The following ADGRL2 variants were observed in gnomAD, a reference collection of about 807,000 sequenced individuals.
ADGRL2 encodes calcium-independent alpha-latrotoxin receptor 2.
A neutral mutation model predicts 157.4 loss-of-function variants in ADGRL2; 44 were observed. That is an observed-to-expected ratio of 0.28 (90% CI 0.22 to 0.36). The LOEUF (loss-of-function observed/expected upper bound fraction) is 0.36. Among genes scored for constraint, ADGRL2 ranks in the 10% least tolerant of loss-of-function variants. The probability of loss-of-function intolerance (pLI) is 1.00; values close to 1 mark genes in which losing one functional copy is unlikely to be tolerated. For missense variants in ADGRL2, 1,510 were observed against 1,768.9 expected, an observed-to-expected ratio of 0.85 and a Z score of 2.63; for synonymous variants, 585 against 624.7, an observed-to-expected ratio of 0.94 and a Z score of 0.95.
chr1:81,603,582 A>G (rs985847082), intron 3 of ADGRL2, among the ~76,000 whole-genome samples: 6 of 152,216 alleles, frequency 3.9e-5, no homozygotes, highest in Non-Finnish European at 7.3e-5. Context: ...ATTTTTTCTT[A>G]TATTTCACAG....
intron 2 of ADGRL2, among the ~76,000 whole-genome samples, chr1:81,861,545 G>A (rs1267092054): frequency 1.3e-5 from 2 of 152,140 alleles, no homozygotes; most frequent in East Asian, 1.9e-4. Context: ...TATTGATTAT[G>A]TCGGTATCAA....
chr1:81,566,959 G>A (rs2148478285), intron 2 of ADGRL2, among the ~76,000 whole-genome samples: 1 of 152,162 alleles, frequency 6.6e-6, no homozygotes, highest in Middle Eastern at 3.4e-3. Context: ...AATTTCATCT[G>A]AGCAGCTCAA....
At position 81,966,194 on chromosome 1, in the gene ADGRL2, A is replaced by T. The variant is rs375892307; in HGVS notation, c.2143+11A>T. The T allele has an allele frequency of 6.9e-5, 111 of 1,613,770 alleles. No homozygotes were observed. Among genetic ancestry groups the T allele is most frequent in the Admixed American group, 1.7e-4 (10 of 59,958 alleles). On this transcript the variant is annotated intron_variant, in intron 12 of 23. Transcript: ENST00000686636. ...AGAACAGCAGGAATGGTAAGGTGGA[A>T]GTCTTTTAAAAATTGACAGTTTTTG...
chr1:81,955,892 G>A lies in ADGRL2; in HGVS notation c.1849G>A (p.Val617Met). The A allele has an allele frequency of 6.3e-7, 1 of 1,589,388 alleles. No homozygotes were observed. The change falls in exon 11 of 24, where the codon GTG becomes ATG. Residue 617 changes from valine to methionine, a missense_variant. Physicochemically the swap from Val to Met is conservative, Grantham distance 21. Around this residue, in one of 4 missense-constraint regions of ADGRL2, gnomAD observed 325 missense variants for 333.2 expected, o/e 0.98. Transcript: ENST00000686636. The part of the protein sequence containing the change: ...RAYLKAIVDT[V>M]DNLLRPEALE... ...ATGGATACAGGCAATTGTTGACACA[G>A]TGGACAACCTTCTGAGACCCGAAGC...
chr1:81,852,522 T>G (rs923756479), intron 2 of ADGRL2, among the ~76,000 whole-genome samples: 1 of 152,298 alleles, frequency 6.6e-6, no homozygotes, highest in Non-Finnish European at 1.5e-5. Context: ...TTCTCCCCGA[T>G]ACAACATTGA....
At chr1:81,705,025 A>C (rs935557077) in intron 1 of ADGRL2, among the ~76,000 whole-genome samples, 2 of 152,154 alleles carry the variant, frequency 1.3e-5, no homozygotes, top group African/African-American at 4.8e-5. Flanking sequence ...CATGAACAAA[A>C]CAGTGTTGTT....
intron 2 of ADGRL2, among the ~76,000 whole-genome samples, chr1:81,507,088 A>AT (rs1022192569): frequency 0.01 from 1,544 of 149,138 alleles, 37 homozygotes; most frequent in African/African-American, 0.036. Context: ...CAATGGAGGA[A>AT]TTTTTTTTTT....
chr1:81,532,518 T>C (rs957586886), intron 2 of ADGRL2, among the ~76,000 whole-genome samples: 4 of 151,712 alleles, frequency 2.6e-5, no homozygotes, highest in Non-Finnish European at 4.4e-5. Flanking sequence ...TTCACCAGGT[T>C]ATTCCAAGCA....
rs1378998971 is a variant in ADGRL2 at position 81,747,844 on chromosome 1, T to C, written c.-142-13967T>C. On this transcript the variant is annotated intron_variant, in intron 1 of 20. Coordinates refer to the ADGRL2 transcript ENST00000359929. ...ATTTTTTCATTTAATTCTGGGAATCTTATTTATAAATGCTGACTTTAGACA... is the reference window on the plus strand; with the variant it reads ...ATTTTTTCATTTAATTCTGGGAATCCTATTTATAAATGCTGACTTTAGACA... 3.3e-5 allele frequency among the ~76,000 whole-genome samples: 5 copies of C among 151,976 alleles called. No individual in the cohort carries two copies. In the East Asian group the frequency reaches 9.7e-4, roughly 29 times the overall value.
chr1:81,854,658 A>C (rs533603923), intron 2 of ADGRL2, among the ~76,000 whole-genome samples: 65 of 152,300 alleles, frequency 4.3e-4, no homozygotes, highest in African/African-American at 1.5e-3. Flanking sequence ...GGAACTTAAC[A>C]ATAATGGTGG....
chr1:81,969,546 AATT>A (rs1361847501), intron 15 of ADGRL2, among the ~76,000 whole-genome samples, 159 bp downstream of exon 15: 2 of 152,220 alleles, frequency 1.3e-5, no homozygotes, highest in Non-Finnish European at 2.9e-5. Context: ...AAGACTGTCC[AATT>A]ATTAAGTAAT....
intron 1 of ADGRL2, among the ~76,000 whole-genome samples, chr1:81,405,338 T>C (rs1282696532): frequency 2.0e-5 from 3 of 152,170 alleles, no homozygotes; most frequent in Admixed American, 6.6e-5. Flanking sequence ...CTGCCACATA[T>C]TCAGAGAACT....
intron 3 of ADGRL2, among the ~76,000 whole-genome samples, chr1:81,641,770 A>G (rs1220059914): frequency 6.6e-6 from 1 of 152,204 alleles, no homozygotes; most frequent in Non-Finnish European, 1.5e-5. Context: ...ACCTTAGGAA[A>G]CCAGAAAATG....
chr1:81,764,108 C>A (rs187089584), intron 2 of ADGRL2, among the ~76,000 whole-genome samples: 7 of 149,238 alleles, frequency 4.7e-5, no homozygotes, highest in Non-Finnish European at 1.0e-4. Flanking sequence ...AGAAGAATCA[C>A]GTGAACCCAA....
intron 1 of ADGRL2, among the ~76,000 whole-genome samples, chr1:81,727,332 A>T (rs1213014588): frequency 6.6e-6 from 1 of 152,214 alleles, no homozygotes; most frequent in Non-Finnish European, 1.5e-5. Flanking sequence ...CACAGAAACA[A>T]CTACCATTAA....
At chr1:81,658,162 C>A (rs1393750226) in intron 3 of ADGRL2, among the ~76,000 whole-genome samples, 3 of 152,192 alleles carry the variant, frequency 2.0e-5, no homozygotes, top group African/African-American at 7.2e-5. Context: ...GTGGTGCAGT[C>A]TTGGCTCACT....
chr1:81,881,583 C>T (rs2093989077), intron 2 of ADGRL2, among the ~76,000 whole-genome samples: 1 of 152,188 alleles, frequency 6.6e-6, no homozygotes, highest in African/African-American at 2.4e-5. Flanking sequence ...TGTTCTTGCT[C>T]ATGGTTATCC....
intron 1 of ADGRL2, among the ~76,000 whole-genome samples, chr1:81,404,095 C>T (rs61774026): frequency 6.6e-6 from 1 of 152,172 alleles, no homozygotes; most frequent in Non-Finnish European, 1.5e-5. Context: ...CTCACCCGGG[C>T]GTCTTTGATT....
intron 3 of ADGRL2, among the ~76,000 whole-genome samples, chr1:81,694,518 ACAGC>A (rs1442466576): frequency 6.6e-6 from 1 of 151,976 alleles, no homozygotes; most frequent in Admixed American, 6.6e-5. Flanking sequence ...TTTCTTTGAA[ACAGC>A]CAGCATCAAA....
Sources: allele counts gnomAD v4.1 joint callset (sites outside exome capture counted in the v4.1 genomes callset), GRCh38; gene constraint gnomAD v4.1.1; regional missense constraint gnomAD v4.1.1; transcripts MANE v1.5; gene names NCBI Gene and HGNC (gene_info 2026-07-23, HGNC 2026-07-21).